The following CCR1 variants were observed in gnomAD, a reference collection of about 807,000 sequenced individuals.
The protein encoded by CCR1 is C-C chemokine receptor type 1.
In CCR1, 1 loss-of-function variant was observed where a neutral mutation model predicts 0.3. The observed-to-expected ratio is 3.70, with a 90% CI of 1.31 to 17.54. The LOEUF (loss-of-function observed/expected upper bound fraction) is 17.54, where lower values mean the gene tolerates loss of function less well. Ranked by LOEUF, CCR1 falls within the 30% of genes most tolerant of loss-of-function variation. The probability of loss-of-function intolerance (pLI) is 0.11; values close to 1 mark genes in which losing one functional copy is unlikely to be tolerated. For synonymous variants in CCR1, 207 were observed against 182.5 expected (o/e 1.13, Z -1.08); for missense variants, 349 against 435.4 (o/e 0.80, Z 1.77).
Position 46,204,239 on chromosome 3 carries a change from C to G in CCR1, c.75G>C (p.Gln25His). Residue 25 changes from glutamine to histidine, a missense_variant, in exon 2 of 2, where the codon CAG becomes CAC. Physicochemically the swap from Gln to His is conservative, Grantham distance 24. Coordinates refer to ENST00000296140, the MANE Select transcript of CCR1 (RefSeq NM_001295.3). ...EFDYGDATPC[Q>H]KVNERAFGAQ... Reference sequence around the variant, plus strand: ...CCCCAAAGGCCCTCTCGTTCACCTTCTGGCACGGAGTTGCATCCCCATAGT... The same window carrying G: ...CCCCAAAGGCCCTCTCGTTCACCTTGTGGCACGGAGTTGCATCCCCATAGT... The G allele has an allele frequency of 1.2e-6, 2 of 1,613,946 alleles. No individual in the cohort carries two copies. The highest frequency in any genetic ancestry group is 1.7e-6 in the Non-Finnish European group (2 of 1,179,928).
chr3:46,203,191 A>T lies in CCR1; in HGVS notation c.*55T>A. On this transcript the variant is annotated 3_prime_UTR_variant, in exon 2 of 2. Coordinates refer to ENST00000296140, the MANE Select transcript of CCR1 (RefSeq NM_001295.3). This position sits in a 1 kb window ranked among gnomAD's most constrained non-coding sequence, Gnocchi z 4.5. ...GCTGGGAGAGCCAGGCTGCTGGCTC[A>T]GTGTGCCTGGCAGGTCACGCCTGCT... is the stretch of plus-strand genomic sequence containing the variant. The T allele has an allele frequency of 7.6e-7, 1 of 1,315,496 alleles. No homozygotes were observed. The highest frequency in any genetic ancestry group is 1.1e-6 in the Non-Finnish European group (1 of 934,264). The allele number at this position is 1,315,496 out of a possible 1,614,324, so 81.5% of individuals were successfully genotyped here.
At chr3:46,206,729 T>C (rs1390773354) in intron 1 of CCR1, among the ~76,000 whole-genome samples, 1 of 152,188 alleles carries the variant, frequency 6.6e-6, no homozygotes, top group African/African-American at 2.4e-5. Context: ...CTCCAAGGCA[T>C]GCTGTTCCTA....
chr3:46,204,967 A>G (rs1699633983), intron 1 of CCR1, among the ~76,000 whole-genome samples: 1 of 152,218 alleles, frequency 6.6e-6, no homozygotes, highest in Non-Finnish European at 1.5e-5. Flanking sequence ...AAAGATACAA[A>G]CAGATATTCA....
Position 46,203,206 on chromosome 3 carries a change from T to C in CCR1, c.*40A>G, listed in dbSNP as rs1290732007. ...CTGCTGGCTCAGTGTGCCTGGCAGG[T>C]CACGCCTGCTTATTTTGGGTTGGCC... On this transcript the variant is annotated 3_prime_UTR_variant, in exon 2 of 2. Coordinates refer to ENST00000296140, the MANE Select transcript of CCR1 (RefSeq NM_001295.3). The surrounding 1 kb of genome is among the most constrained non-coding windows in gnomAD (Gnocchi z 4.5). 1.3e-6 allele frequency: 2 copies of C among 1,481,508 alleles called. No homozygotes were observed. The highest frequency in any genetic ancestry group is 1.9e-6 in the Non-Finnish European group (2 of 1,074,262). 91.8% of individuals were successfully genotyped at this position (1,481,508 alleles called of 1,614,324 possible). A position where few individuals can be genotyped will look rare whatever the true frequency, so the allele number is the denominator to read the frequency against.
intron 1 of CCR1, 63 bp from the exon 2 acceptor site, chr3:46,204,387 G>T: frequency 9.7e-7 from 1 of 1,032,432 alleles, no homozygotes; most frequent in Non-Finnish European, 1.4e-6. Flanking sequence ...GTGGGCACTG[G>T]ACAGTAAAGA....
Sources: gnomAD v4.1 joint callset for allele counts (sites outside exome capture counted in the v4.1 genomes callset) on GRCh38, gnomAD v4.1.1 for gene constraint, Gnocchi (gnomAD v3.1) non-coding constraint, MANE v1.5 for transcripts, NCBI Gene and HGNC (gene_info 2026-07-23, HGNC 2026-07-21) for gene names.